CALML4: variants seen among roughly 807,000 people sequenced by gnomAD.
CALML4 encodes the protein calmodulin like 4, also known as calmodulin-like protein 4.
A neutral mutation model predicts 17.9 loss-of-function variants in CALML4; 16 were observed. That is an observed-to-expected ratio of 0.89 (90% CI 0.61 to 1.36). The LOEUF (loss-of-function observed/expected upper bound fraction) is 1.36, where lower values mean the gene tolerates loss of function less well. Among genes scored for constraint, CALML4 ranks in the 40% most tolerant of loss-of-function variants. The pLI is 0.00. For synonymous variants in CALML4, 86 were observed against 71.5 expected (o/e 1.20, Z -1.02); for missense variants, 203 against 194.8 (o/e 1.04, Z -0.25).
chr15:68,204,986 G>C lies in CALML4; in HGVS notation c.34+135C>G. 3.1e-6 allele frequency: 3 copies of C among 979,102 alleles called. No individual in the cohort carries two copies. In the East Asian group the frequency reaches 7.3e-5, roughly 24 times the overall value. The allele number at this position is 979,102 out of a possible 1,614,324, so 60.7% of individuals were successfully genotyped here. Reference sequence around the variant, plus strand: ...CCACCCCGCCAACAGCAGCCTCCCCGCAGCTCTTGGCCCTGGGTGGGCCCA... The same window carrying C: ...CCACCCCGCCAACAGCAGCCTCCCCCCAGCTCTTGGCCCTGGGTGGGCCCA... On this transcript the variant is annotated intron_variant, in intron 2 of 4. Transcript: ENST00000467889. The surrounding 1 kb of genome is among the most constrained non-coding windows in gnomAD (Gnocchi z 6.0).
Position 68,191,020 on chromosome 15 carries a change from T to C in CALML4, c.*2995A>G, listed in dbSNP as rs2093117176. On this transcript the variant is annotated 3_prime_UTR_variant, in exon 5 of 5. Transcript: ENST00000467889. ...TTTCAATTTTAAACACATAAAACTT[T>C]CAAGATCTTCAGGACTTTTTAAAGC... is the stretch of plus-strand genomic sequence containing the variant. 1 of 152,408 alleles carries C rather than the reference T, an allele frequency of 6.6e-6. No homozygotes were observed. Among genetic ancestry groups the C allele is most frequent in the Admixed American group, 6.5e-5 (1 of 15,280 alleles). The allele number at this position is 152,408 out of a possible 1,614,324, so 9.4% of individuals were successfully genotyped here. A position where few individuals can be genotyped will look rare whatever the true frequency, so the allele number is the denominator to read the frequency against.
At chr15:68,205,448 C>T, upstream of CALML4, 1 of 1,592,182 alleles carries the variant, frequency 6.3e-7, no homozygotes, top group Non-Finnish European at 8.5e-7. This position sits in a 1 kb window ranked among gnomAD's most constrained non-coding sequence, Gnocchi z 4.8. Flanking sequence ...GCCACCTGGG[C>T]AGGTTGGATT....
chr15:68,194,622 GAGCC>G (rs1211478816), intron 4 of CALML4, among the ~76,000 whole-genome samples: 4 of 152,066 alleles, frequency 2.6e-5, no homozygotes, highest in Non-Finnish European at 4.4e-5. Context: ...GACCTCAGGT[GAGCC>G]ATCCACCTCA....
rs2093115976 is a variant in CALML4 at position 68,190,802 on chromosome 15, C to CAAAAT, written c.*3212_*3213insATTTT. ...CCAGAACCATGCCATACTTGGTTGA[C>CAAAAT]TATTTTGAGCATTAAAATTGCTTTA... On this transcript the variant is annotated 3_prime_UTR_variant, in exon 5 of 5. Transcript: ENST00000467889. The surrounding 1 kb of genome is among the most constrained non-coding windows in gnomAD (Gnocchi z 4.7). 6.6e-6 allele frequency: 1 copy of CAAAAT among 151,798 alleles called. No individual in the cohort carries two copies. Among genetic ancestry groups the CAAAAT allele is most frequent in the East Asian group, 1.9e-4 (1 of 5,194 alleles). 9.4% of individuals were successfully genotyped at this position (151,798 alleles called of 1,614,324 possible).
rs769901641 is a variant in CALML4, at chr15:68,197,489, G to A, written c.315C>T (p.Asp105=). The change falls in exon 4 of 5, where the codon GAC becomes GAT. Residue 105 remains aspartate, a synonymous_variant. Transcript: ENST00000467889. The surrounding 1 kb of genome is among the most constrained non-coding windows in gnomAD (Gnocchi z 4.1). The part of the protein sequence containing the change: ...KEKKGYVMAS[D]LRSKLTSLGE... ...CCAGACTCGTGAGTTTTGACCGCAG[G>A]TCGGACGCCATGACGTAACCTTTCT... The A allele has an allele frequency of 6.2e-7, 1 of 1,614,010 alleles. No homozygotes were observed.
chr15:68,203,313 A>G (rs947648409), intron 2 of CALML4, among the ~76,000 whole-genome samples: 1 of 152,242 alleles, frequency 6.6e-6, no homozygotes, highest in Non-Finnish European at 1.5e-5. Flanking sequence ...TGATTTGACA[A>G]ATGAAGCTGC....
chr15:68,196,080 A>G (rs912554289), intron 4 of CALML4, among the ~76,000 whole-genome samples: 1 of 152,184 alleles, frequency 6.6e-6, no homozygotes, highest in Non-Finnish European at 1.5e-5. Context: ...ATAAAGTCTC[A>G]TTCTGTCACC....
Position 68,197,432 on chromosome 15 carries a change from G to A in CALML4, c.364+8C>T. 1 of 1,612,608 alleles carries A rather than the reference G, an allele frequency of 6.2e-7. No individual in the cohort carries two copies. Among genetic ancestry groups the A allele is most frequent in the South Asian group, 1.1e-5 (1 of 90,884 alleles). ...CCAACTGTTGGGAGACAGGACCCAGGCTGTTACCTTCCTTGTGGGTGAGCT... is the reference window on the plus strand; with the variant it reads ...CCAACTGTTGGGAGACAGGACCCAGACTGTTACCTTCCTTGTGGGTGAGCT... On this transcript the variant is annotated splice_region_variant and intron_variant, in intron 4 of 4. Coordinates refer to ENST00000467889, the MANE Select transcript of CALML4 (RefSeq NM_033429.3). The surrounding 1 kb of genome is among the most constrained non-coding windows in gnomAD (Gnocchi z 4.1).
chr15:68,205,604 C>T (rs138212402), upstream of CALML4: 252 of 559,936 alleles, frequency 4.5e-4, 1 homozygote, highest in East Asian at 7.4e-3. The surrounding 1 kb of genome is among the most constrained non-coding windows in gnomAD (Gnocchi z 4.8). Flanking sequence ...TGGGACTCGG[C>T]GGGGATGCCA....
In CALML4 at chr15:68,199,566, C is replaced by T; in HGVS notation, c.150G>A (p.Gln50=). The stretch of plus-strand genomic sequence containing the variant: ...CTATCCCGTGGGTCTGCAGGTGCCG[C>T]TGCACCTCCCCTGGCGTCGGGCTGG... ...LGASPTPGEV[Q]RHLQTHGIDG... is the part of the protein sequence containing the mutation. Residue 50 remains glutamine, a synonymous_variant, in exon 3 of 5, where the codon CAG becomes CAA. Coordinates refer to ENST00000467889, the MANE Select transcript of CALML4 (RefSeq NM_033429.3). 1 of 1,613,776 alleles carries T rather than the reference C, an allele frequency of 6.2e-7. No homozygotes were observed.
upstream of CALML4, chr15:68,205,870 C>G (rs918634445): frequency 5.8e-6 from 1 of 171,220 alleles, no homozygotes; most frequent in Non-Finnish European, 1.3e-5. This position sits in a 1 kb window ranked among gnomAD's most constrained non-coding sequence, Gnocchi z 4.8. Context: ...TCAGTTTCCT[C>G]ACCAGCTGAA....
chr15:68,205,966 T>C (rs2093182707), upstream of CALML4: 1 of 156,232 alleles, frequency 6.4e-6, no homozygotes, highest in Admixed American at 6.2e-5. This position sits in a 1 kb window ranked among gnomAD's most constrained non-coding sequence, Gnocchi z 4.8. Flanking sequence ...CTGAGGACTT[T>C]AAGGGTGGTG....
At chr15:68,203,836 C>T (rs956613527) in intron 2 of CALML4, among the ~76,000 whole-genome samples, 10 of 152,200 alleles carry the variant, frequency 6.6e-5, no homozygotes, top group Non-Finnish European at 1.0e-4. Flanking sequence ...GTCTTTCACA[C>T]ACTCATTAAA....
rs772904631 is a variant in CALML4, at chr15:68,199,649, G to C, written c.67C>G (p.Gln23Glu). 6.2e-7 allele frequency: 1 copy of C among 1,613,244 alleles called. No homozygotes were observed. Among genetic ancestry groups the C allele is most frequent in the Non-Finnish European group, 8.5e-7 (1 of 1,179,914 alleles). ...YKECFSLYDKQQRGKIKATDL... is the reference protein window; with the variant it reads ...YKECFSLYDKEQRGKIKATDL... Reference sequence around the variant, plus strand: ...GTGGCTTTTATCTTCCCCCTCTGCTGCTTGTCATACAGGGAGAAGCATTCC... The same window carrying C: ...GTGGCTTTTATCTTCCCCCTCTGCTCCTTGTCATACAGGGAGAAGCATTCC... Residue 23 changes from glutamine to glutamate, a missense_variant, in exon 3 of 5, where the codon CAG (glutamine) becomes GAG (glutamate). Coordinates refer to ENST00000467889, the MANE Select transcript of CALML4 (RefSeq NM_033429.3).
intron 3 of CALML4, among the ~76,000 whole-genome samples, chr15:68,199,317 C>T (rs1343342810): frequency 2.0e-5 from 3 of 152,222 alleles, no homozygotes; most frequent in East Asian, 1.9e-4. Context: ...TCTGTTGGAA[C>T]GCCTAGATCC....
rs2093127722 is a variant in CALML4, at chr15:68,193,105, A to G, written c.*910T>C. The G allele has an allele frequency of 6.6e-6, 1 of 152,240 alleles. No homozygotes were observed. The highest frequency in any genetic ancestry group is 6.5e-5 in the Admixed American group (1 of 15,270). The allele number at this position is 152,240 out of a possible 1,614,324, so 9.4% of individuals were successfully genotyped here. On this transcript the variant is annotated 3_prime_UTR_variant, in exon 5 of 5. Coordinates refer to ENST00000467889, the MANE Select transcript of CALML4 (RefSeq NM_033429.3). ...GTTACATCCCCTTATTTCTCTCCGTAAGTCCTGGGGAGGTGGCTTAAGGCA... is the reference window on the plus strand; with the variant it reads ...GTTACATCCCCTTATTTCTCTCCGTGAGTCCTGGGGAGGTGGCTTAAGGCA...
intron 4 of CALML4, among the ~76,000 whole-genome samples, chr15:68,196,474 T>C (rs2141123989): frequency 6.6e-6 from 1 of 152,314 alleles, no homozygotes; most frequent in Middle Eastern, 3.4e-3. Context: ...AGACGGAAAG[T>C]CCGTCATATT....
chr15:68,196,996 A>G (rs1211180004), intron 4 of CALML4, among the ~76,000 whole-genome samples: 1 of 152,100 alleles, frequency 6.6e-6, no homozygotes, highest in Non-Finnish European at 1.5e-5. Context: ...CTGTGATGGG[A>G]AAAAGGGCAG....
chr15:68,201,971 C>T (rs1427245179), intron 2 of CALML4, among the ~76,000 whole-genome samples: 1 of 152,202 alleles, frequency 6.6e-6, no homozygotes, highest in Non-Finnish European at 1.5e-5. Flanking sequence ...TCCCCTCCCT[C>T]GATGGTGACC....
Sources: allele counts gnomAD v4.1 joint callset (sites outside exome capture counted in the v4.1 genomes callset), GRCh38; gene constraint gnomAD v4.1.1; non-coding constraint Gnocchi (gnomAD v3.1); transcripts MANE v1.5; gene names NCBI Gene and HGNC (gene_info 2026-07-23, HGNC 2026-07-21).